The following INO80 variants were observed in gnomAD, a reference collection of about 807,000 sequenced individuals.
INO80 encodes the protein chromatin-remodeling ATPase INO80.
Under a neutral mutation model 203.4 loss-of-function variants are expected in INO80, and 20 were observed. The ratio of observed to expected loss-of-function variants is 0.10; its 90% CI spans 0.07 to 0.14. The LOEUF is 0.14. Ranked by LOEUF, INO80 falls within the 10% of genes least tolerant of loss-of-function variation. The pLI is 1.00. For synonymous variants in INO80, 726 were observed against 685.2 expected, an observed-to-expected ratio of 1.06 and a Z score of -0.93; for missense variants, 1,419 against 1,914.4, an observed-to-expected ratio of 0.74 and a Z score of 4.83.
At chr15:41,100,200 G>A (rs373732174) in intron 1 of INO80, among the ~76,000 whole-genome samples, 6 of 151,650 alleles carry the variant, frequency 4.0e-5, no homozygotes, top group African/African-American at 1.2e-4. Context: ...TCAGCCTCCC[G>A]AGTAGCTGGG....
In INO80 at chr15:41,083,841, T is replaced by C. The variant is rs192178116; in HGVS notation, c.873+1528A>G. 1.0e-3 allele frequency among the ~76,000 whole-genome samples: 156 copies of C among 152,344 alleles called. 1 individual carries two copies. Among genetic ancestry groups the C allele is most frequent in the African/African-American group, 2.4e-3 (101 of 41,572 alleles). On this transcript the variant is annotated intron_variant, in intron 7 of 35. Transcript: ENST00000648947. ...TTATCTAAATTGCTACCCAGTTGTC[T>C]CGGCACTACTAATTTGTAAGTCCAC... is the stretch of plus-strand genomic sequence containing the variant.
chr15:41,085,788 C>G (rs751423315), intron 6 of INO80, among the ~76,000 whole-genome samples: 4 of 152,266 alleles, frequency 2.6e-5, no homozygotes, highest in Middle Eastern at 3.4e-3. Context: ...CCTCACTAAC[C>G]TGGAAAAGAA....
intron 1 of INO80, among the ~76,000 whole-genome samples, chr15:41,099,266 A>AAAAC (rs1412468777): frequency 8.2e-5 from 10 of 122,120 alleles, no homozygotes; most frequent in African/African-American, 2.6e-4. Context: ...AAAAAAAAAA[A>AAAAC]ACAAACACAC....
rs71104765 is a variant in INO80, at chr15:41,008,224, TACACACAC to T, written c.3403-2545_3403-2538del. On this transcript the variant is annotated intron_variant, in intron 27 of 35. Transcript: ENST00000648947. ...ATAAAGAATATGTGATATATATACA[TACACACAC>T]ACACACACACACACACACACACGAA... is the stretch of plus-strand genomic sequence containing the variant. Among the ~76,000 whole-genome samples, 370 of 148,934 alleles carry T rather than the reference TACACACAC, an allele frequency of 2.5e-3. 1 individual carries two copies. Among genetic ancestry groups the T allele is most frequent in the Non-Finnish European group, 3.5e-3 (236 of 67,176 alleles).
intron 2 of INO80, 69 bp downstream of exon 2, chr15:41,096,099 T>C: frequency 1.3e-6 from 2 of 1,485,844 alleles, no homozygotes; most frequent in Non-Finnish European, 1.8e-6. Context: ...ACTTTAATCC[T>C]GTAAAATCTG....
At chr15:40,980,996 C>T (rs1404029388) in intron 35 of INO80, among the ~76,000 whole-genome samples, 1 of 152,206 alleles carries the variant, frequency 6.6e-6, no homozygotes, top group Non-Finnish European at 1.5e-5. Context: ...GGGCACAGCT[C>T]AAATCCCCCA....
At chr15:40,994,678 A>AT (rs2043858106) in intron 29 of INO80, among the ~76,000 whole-genome samples, 1 of 151,566 alleles carries the variant, frequency 6.6e-6, no homozygotes, top group South Asian at 2.1e-4. Context: ...TATTATCAGT[A>AT]TTTTTTCCAT....
At chr15:40,988,127 A>C (rs1271288896) in intron 29 of INO80, among the ~76,000 whole-genome samples, 153 bp from the exon 30 acceptor site, 4 of 152,254 alleles carry the variant, frequency 2.6e-5, no homozygotes, top group African/African-American at 9.6e-5. Context: ...CTTAGAAGAT[A>C]CAAAGCCGTT....
Position 40,980,068 on chromosome 15 carries a change from G to T in INO80, c.*155C>A. The T allele has an allele frequency of 1.5e-6, 1 of 665,374 alleles. No homozygotes were observed. Among genetic ancestry groups the T allele is most frequent in the Non-Finnish European group, 2.6e-6 (1 of 378,892 alleles). 41.2% of individuals were successfully genotyped at this position (665,374 alleles called of 1,614,324 possible). On this transcript the variant is annotated 3_prime_UTR_variant, in exon 36 of 36. Transcript: ENST00000648947. ...CTGATGAGACACAGATGATAAAAGT[G>T]CTCACACCATCCACCTGCCTGTCCT...
chr15:41,085,774 G>A (rs575887894), intron 6 of INO80, among the ~76,000 whole-genome samples, 191 bp from the exon 7 acceptor site: 1 of 152,106 alleles, frequency 6.6e-6, no homozygotes, highest in Non-Finnish European at 1.5e-5. Context: ...CATACTGATT[G>A]ATACCTCACT....
intron 5 of INO80, among the ~76,000 whole-genome samples, chr15:41,090,433 C>T (rs938397550): frequency 6.6e-5 from 10 of 152,110 alleles, no homozygotes; most frequent in Admixed American, 2.6e-4. Flanking sequence ...AAAAAAAAGC[C>T]GGGCGTGGTG....
chr15:41,048,564 A>C (rs1023706483), intron 21 of INO80, among the ~76,000 whole-genome samples: 2 of 152,236 alleles, frequency 1.3e-5, no homozygotes, highest in Non-Finnish European at 2.9e-5. Context: ...AACAAAAGGC[A>C]ATACAGCTCT....
chr15:41,088,622 C>T (rs994247302), intron 5 of INO80, among the ~76,000 whole-genome samples: 3 of 152,144 alleles, frequency 2.0e-5, no homozygotes, highest in African/African-American at 7.2e-5. Flanking sequence ...ATTTCACTTA[C>T]TCCCCAAATC....
chr15:41,081,632 G>A (rs1027433126), intron 7 of INO80, among the ~76,000 whole-genome samples: 1 of 152,044 alleles, frequency 6.6e-6, no homozygotes, highest in African/African-American at 2.4e-5. Flanking sequence ...CCACAACCCA[G>A]CTATTTGTGT....
At chr15:41,065,632 T>A (rs1374833134) in intron 14 of INO80, among the ~76,000 whole-genome samples, 1 of 152,120 alleles carries the variant, frequency 6.6e-6, no homozygotes, top group African/African-American at 2.4e-5. Context: ...ACAACCCAAA[T>A]ATTCATCAAC....
rs1355783002 is a variant in INO80, at chr15:40,979,960, G to C, written c.*263C>G. The C allele has an allele frequency of 2.0e-6, 1 of 511,894 alleles. No individual in the cohort carries two copies. The highest frequency in any genetic ancestry group is 1.9e-5 in the African/African-American group (1 of 52,062). 31.7% of individuals were successfully genotyped at this position (511,894 alleles called of 1,614,324 possible). A position where few individuals can be genotyped will look rare whatever the true frequency, so the allele number is the denominator to read the frequency against. On this transcript the variant is annotated 3_prime_UTR_variant, in exon 36 of 36. Coordinates refer to ENST00000648947, the MANE Select transcript of INO80 (RefSeq NM_017553.3). ...CAGGCTTGCCCCGTGAGAGGTTTAA[G>C]ACTTGGCTATACAGTTCACTTGAGA...
At chr15:41,032,083 C>CACAGCACAGCACAGG (rs2044496028) in intron 24 of INO80, among the ~76,000 whole-genome samples, 1 of 129,106 alleles carries the variant, frequency 7.7e-6, no homozygotes, top group African/African-American at 4.2e-5. Context: ...GACAGCACAG[C>CACAGCACAGCACAGG]ACAGCACAGC....
intron 29 of INO80, among the ~76,000 whole-genome samples, chr15:40,995,446 G>A (rs1266822805): frequency 1.3e-5 from 2 of 152,176 alleles, no homozygotes; most frequent in Non-Finnish European, 2.9e-5. Context: ...ATTTGGAAGG[G>A]AAAGTGGTCT....
chr15:40,994,436 G>A (rs529946612), intron 29 of INO80, among the ~76,000 whole-genome samples: 3 of 151,952 alleles, frequency 2.0e-5, no homozygotes, highest in South Asian at 2.1e-4. Context: ...CGATCTTGGC[G>A]CACTGCAACC....
Sources: gnomAD v4.1 joint callset for allele counts (sites outside exome capture counted in the v4.1 genomes callset) on GRCh38, gnomAD v4.1.1 for gene constraint, MANE v1.5 for transcripts, NCBI Gene and HGNC (gene_info 2026-07-23, HGNC 2026-07-21) for gene names.